Variants in SEMA6D observed in about 807,000 individuals in gnomAD.
SEMA6D encodes semaphorin-6D.
A neutral mutation model predicts 106.6 loss-of-function variants in SEMA6D; 35 were observed. The observed-to-expected ratio is 0.33, with a 90% CI of 0.25 to 0.44. SEMA6D has a LOEUF of 0.44. Among genes scored for constraint, SEMA6D ranks in the 20% least tolerant of loss-of-function variants. The pLI is 1.00. For synonymous variants in SEMA6D, 499 were observed against 487.7 expected, an observed-to-expected ratio of 1.02 and a Z score of -0.31; for missense variants, 1,185 against 1,345.9, an observed-to-expected ratio of 0.88 and a Z score of 1.87.
At chr15:47,203,568 T>C (rs1894857295) in intron 1 of SEMA6D, among the ~76,000 whole-genome samples, 1 of 152,136 alleles carries the variant, frequency 6.6e-6, no homozygotes, top group South Asian at 2.1e-4. Context: ...TCCTCTTCCC[T>C]ATGAAGAGGT....
At chr15:47,495,743 T>G (rs1385836198) in intron 3 of SEMA6D, among the ~76,000 whole-genome samples, 1 of 152,108 alleles carries the variant, frequency 6.6e-6, no homozygotes, top group African/African-American at 2.4e-5. Context: ...TTTTTAATTC[T>G]GAGTAACTGA....
intron 1 of SEMA6D, among the ~76,000 whole-genome samples, chr15:47,384,026 A>T (rs983475698): frequency 6.6e-6 from 1 of 152,148 alleles, no homozygotes; most frequent in African/African-American, 2.4e-5. Flanking sequence ...GCTTATACCC[A>T]GTTTAATTTT....
Position 47,437,085 on chromosome 15 carries a change from A to T in SEMA6D, c.-159+24613A>T, listed in dbSNP as rs370058810. On this transcript the variant is annotated intron_variant, in intron 2 of 19. Transcript: ENST00000558014. ...GGGGAGGGGAGGGGAGATAGAAGAG[A>T]GGATGGTTTGGTTGTCTGTCTCTCA... Among the ~76,000 whole-genome samples the T allele has an allele frequency of 6.6e-5, 10 of 150,844 alleles. No individual in the cohort carries two copies. The South Asian group carries it at 8.4e-4, about 13-fold the overall frequency.
At chr15:47,558,685 T>C (rs1318310772) in intron 3 of SEMA6D, among the ~76,000 whole-genome samples, 1 of 152,136 alleles carries the variant, frequency 6.6e-6, no homozygotes, top group Non-Finnish European at 1.5e-5. Flanking sequence ...GTGCACTAGA[T>C]ATATCTAGGA....
At chr15:47,423,488 G>T (rs1443896319) in intron 2 of SEMA6D, among the ~76,000 whole-genome samples, 1 of 151,952 alleles carries the variant, frequency 6.6e-6, no homozygotes, top group Non-Finnish European at 1.5e-5. Context: ...ATACTTGATA[G>T]CCCTCCTGGG....
chr15:47,519,343 G>A (rs1468216701), intron 3 of SEMA6D, among the ~76,000 whole-genome samples: 1 of 152,150 alleles, frequency 6.6e-6, no homozygotes, highest in African/African-American at 2.4e-5. Context: ...GCATCACTAG[G>A]TAACAGAAAT....
chr15:47,615,342 A>G (rs1488719587), intron 4 of SEMA6D, among the ~76,000 whole-genome samples: 7 of 152,206 alleles, frequency 4.6e-5, no homozygotes, highest in Non-Finnish European at 1.0e-4. Context: ...TTATATAAGC[A>G]ACTTGCGCAT....
intron 1 of SEMA6D, among the ~76,000 whole-genome samples, chr15:47,195,745 A>T (rs1298077360): frequency 6.6e-6 from 1 of 152,144 alleles, no homozygotes; most frequent in Non-Finnish European, 1.5e-5. Context: ...TTTATCATGA[A>T]TGAGCACAGC....
chr15:47,735,457 G>GT (rs748035124), intron 1 of SEMA6D, among the ~76,000 whole-genome samples: 5 of 152,076 alleles, frequency 3.3e-5, no homozygotes, highest in Non-Finnish European at 7.4e-5. Flanking sequence ...TACAAAGTCT[G>GT]TATTAAAAGT....
chr15:47,390,013 T>A (rs2039973018), intron 1 of SEMA6D, among the ~76,000 whole-genome samples: 2 of 152,240 alleles, frequency 1.3e-5, no homozygotes, highest in Non-Finnish European at 2.9e-5. Context: ...TTTTAGATGA[T>A]CTTTATATAC....
chr15:47,605,445 G>A (rs2076759193), intron 4 of SEMA6D: 1 of 152,076 alleles, frequency 6.6e-6, no homozygotes, highest in Non-Finnish European at 1.5e-5. Flanking sequence ...ACACCAACTG[G>A]GTGTCCAACA....
intron 3 of SEMA6D, among the ~76,000 whole-genome samples, chr15:47,504,243 C>A (rs1028349149): frequency 1.3e-5 from 2 of 152,188 alleles, no homozygotes; most frequent in African/African-American, 4.8e-5. Flanking sequence ...CTACTCCCAA[C>A]TTCTGAATTC....
intron 3 of SEMA6D, among the ~76,000 whole-genome samples, chr15:47,584,087 C>T (rs1337089919): frequency 1.3e-5 from 2 of 152,190 alleles, no homozygotes; most frequent in Non-Finnish European, 2.9e-5. Flanking sequence ...GGGCAAGATC[C>T]ACATGTGATG....
intron 3 of SEMA6D, among the ~76,000 whole-genome samples, chr15:47,507,128 A>G (rs999939606): frequency 5.3e-5 from 8 of 152,354 alleles, no homozygotes; most frequent in Non-Finnish European, 7.3e-5. Flanking sequence ...TGGAGCTGTC[A>G]GCCTCTACCC....
At chr15:47,568,173 A>T (rs900651301) in intron 3 of SEMA6D, among the ~76,000 whole-genome samples, 1 of 140,932 alleles carries the variant, frequency 7.1e-6, no homozygotes, top group Non-Finnish European at 1.5e-5. Context: ...TCATCAAAAA[A>T]AAAAACTGAT....
At chr15:47,549,225 C>T (rs548753457) in intron 3 of SEMA6D, among the ~76,000 whole-genome samples, 132 of 152,258 alleles carry the variant, frequency 8.7e-4, no homozygotes, top group African/African-American at 3.0e-3. Flanking sequence ...ATGGAGGCCC[C>T]GACCCCAGCC....
chr15:47,630,118 A>G (rs2077267968), intron 4 of SEMA6D, among the ~76,000 whole-genome samples: 1 of 151,874 alleles, frequency 6.6e-6, no homozygotes, highest in Non-Finnish European at 1.5e-5. Context: ...TTTCTGAGAA[A>G]ACTCCATACT....
chr15:47,186,614 G>C (rs1893593429), intron 1 of SEMA6D, among the ~76,000 whole-genome samples: 1 of 151,530 alleles, frequency 6.6e-6, no homozygotes, highest in Admixed American at 6.6e-5. Flanking sequence ...TGAATGCATT[G>C]GATTATCTTT....
intron 4 of SEMA6D, among the ~76,000 whole-genome samples, chr15:47,695,575 G>C (rs1420901138): frequency 6.6e-6 from 1 of 152,068 alleles, no homozygotes; most frequent in Non-Finnish European, 1.5e-5. Flanking sequence ...GCTAGGTCTT[G>C]TTAAATGAAG....
Sources: allele counts gnomAD v4.1 joint callset (sites outside exome capture counted in the v4.1 genomes callset), GRCh38; gene constraint gnomAD v4.1.1; transcripts MANE v1.5; gene names NCBI Gene and HGNC (gene_info 2026-07-23, HGNC 2026-07-21).